Variants in ABCB4 observed in about 807,000 individuals in gnomAD.
The protein encoded by ABCB4 is phosphatidylcholine translocator ABCB4.
In ABCB4, 76 loss-of-function variants were observed where a neutral mutation model predicts 145.7. That is an observed-to-expected ratio of 0.52 (90% confidence interval 0.43 to 0.63). ABCB4 has a LOEUF of 0.63. Among genes scored for constraint, ABCB4 ranks in the 30% least tolerant of loss-of-function variants. The pLI, the probability that ABCB4 is intolerant of heterozygous loss-of-function variation, is 0.00. For synonymous variants in ABCB4, 517 were observed against 566.8 expected, an observed-to-expected ratio of 0.91 and a Z score of 1.25; for missense variants, 1,234 against 1,553.1, an observed-to-expected ratio of 0.79 and a Z score of 3.45.
the ABCB4 span, chr7:87,382,390 T>C: frequency 1.9e-6 from 3 of 1,605,334 alleles, no homozygotes; most frequent in Non-Finnish European, 1.7e-6. Flanking sequence ...TTTTCACCGT[T>C]CTCATTTAAT....
chr7:87,407,972 A>G (rs1808324634), intron 25 of ABCB4, 65 bp downstream of exon 25: 1 of 1,586,854 alleles, frequency 6.3e-7, no homozygotes, highest in South Asian at 1.1e-5. Context: ...ATTTTCCATT[A>G]TGACAATATT....
At chr7:87,374,212 G>A in the ABCB4 span, among the ~76,000 whole-genome samples, 1 of 152,034 alleles carries the variant, frequency 6.6e-6, no homozygotes, top group Admixed American at 6.6e-5. Context: ...TGCATAGTTA[G>A]CCAAGTTAAA....
At chr7:87,392,892 G>C in the ABCB4 span, 1 of 1,610,952 alleles carries the variant, frequency 6.2e-7, no homozygotes, top group Admixed American at 1.7e-5. Context: ...ATGGTTTTTA[G>C]AAACAATATA....
At chr7:87,383,497 C>CTTT in the ABCB4 span, among the ~76,000 whole-genome samples, 1 of 130,454 alleles carries the variant, frequency 7.7e-6, no homozygotes, top group Non-Finnish European at 1.7e-5. Flanking sequence ...ATGTATATCA[C>CTTT]TTTTTTTTTT....
At chr7:87,439,888 G>T (rs1423110146) in intron 13 of ABCB4, 51 bp from the exon 14 acceptor site, 1 of 1,610,594 alleles carries the variant, frequency 6.2e-7, no homozygotes, top group East Asian at 2.2e-5. Flanking sequence ...ATTTAAAAAG[G>T]CTAGGAATTC....
At chr7:87,453,164 A>G in intron 5 of ABCB4, 29 bp from the exon 6 acceptor site, 1 of 1,597,664 alleles carries the variant, frequency 6.3e-7, no homozygotes, top group Non-Finnish European at 8.6e-7. Context: ...GCTCTATTAA[A>G]TACCTTCTCT....
chr7:87,449,925 A>G, intron 8 of ABCB4, 43 bp downstream of exon 8: 1 of 1,613,942 alleles, frequency 6.2e-7, no homozygotes, highest in South Asian at 1.1e-5. Flanking sequence ...AACAAAATGT[A>G]AAAACACATT....
chr7:87,430,451 C>T (rs1810135542), intron 15 of ABCB4, among the ~76,000 whole-genome samples: 1 of 152,118 alleles, frequency 6.6e-6, no homozygotes, highest in African/African-American at 2.4e-5. Context: ...AGTATAATAA[C>T]ATGTCTTAAT....
chr7:87,407,698 T>C (rs1808300021), intron 25 of ABCB4, among the ~76,000 whole-genome samples: 1 of 152,238 alleles, frequency 6.6e-6, no homozygotes, highest in Non-Finnish European at 1.5e-5. Flanking sequence ...CACCCTGTTT[T>C]GGAAGTCAGC....
At position 87,443,415 on chromosome 7, in the gene ABCB4, C is replaced by G. The variant is rs770819674; in HGVS notation, c.1260G>C (p.Gln420His). ...CAACCAGGGCCACCGTCTGCCCACTCTGCACCTTCAGGTTGAGGCCCTTCA... is the reference window on the plus strand; with the variant it reads ...CAACCAGGGCCACCGTCTGCCCACTGTGCACCTTCAGGTTGAGGCCCTTCA... ...KILKGLNLKV[Q>H]SGQTVALVGS... is the part of the protein sequence containing the mutation. Residue 420 changes from glutamine to histidine, a missense_variant, in exon 12 of 28, where the codon CAG (glutamine) becomes CAC (histidine). Around this residue, in one of 7 missense-constraint regions of ABCB4, gnomAD observed 467 missense variants for 632.8 expected, o/e 0.74. Transcript: ENST00000649586. 9.9e-6 allele frequency: 16 copies of G among 1,614,050 alleles called. 1 individual carries two copies. The highest frequency in any genetic ancestry group is 1.6e-4 in the Middle Eastern group (1 of 6,062).
chr7:87,425,657 T>C (rs1809753971), intron 16 of ABCB4, among the ~76,000 whole-genome samples: 1 of 152,206 alleles, frequency 6.6e-6, no homozygotes, highest in Admixed American at 6.5e-5. Flanking sequence ...ATTCCCTCTG[T>C]ATAATAAAAT....
chr7:87,463,063 T>A (rs1019206582), intron 3 of ABCB4, among the ~76,000 whole-genome samples, 155 bp from the exon 4 acceptor site: 2 of 152,214 alleles, frequency 1.3e-5, no homozygotes, highest in African/African-American at 2.4e-5. Flanking sequence ...ATTAACAACT[T>A]AATTTCATGA....
At chr7:87,376,052 C>A in the ABCB4 span, 2 of 1,162,434 alleles carry the variant, frequency 1.7e-6, no homozygotes, top group Admixed American at 2.8e-5. Flanking sequence ...TACCTTTAGG[C>A]TCTTGAAACT....
intron 12 of ABCB4, among the ~76,000 whole-genome samples, chr7:87,441,796 C>T (rs45624341): frequency 0.024 from 3,578 of 152,254 alleles, 146 homozygotes; most frequent in African/African-American, 0.08. Context: ...GACAGATTCT[C>T]ATTAGTTGCC....
the ABCB4 span, chr7:87,391,798 T>A: frequency 3.0e-6 from 4 of 1,349,200 alleles, no homozygotes; most frequent in South Asian, 5.5e-5. Flanking sequence ...ACTTCTTTGC[T>A]TCAGTTTTCC....
chr7:87,470,736 G>A (rs1394289203), intron 3 of ABCB4, among the ~76,000 whole-genome samples: 3 of 152,192 alleles, frequency 2.0e-5, no homozygotes, highest in East Asian at 1.9e-4. Context: ...TGGAGAGGAT[G>A]TGGAGAAATA....
At chr7:87,391,624 A>T in the ABCB4 span, 1 of 1,606,654 alleles carries the variant, frequency 6.2e-7, no homozygotes. Context: ...ATGACAAGAC[A>T]TTTTTATCAT....
the ABCB4 span, chr7:87,377,491 G>T: frequency 3.4e-6 from 4 of 1,166,134 alleles, no homozygotes; most frequent in Non-Finnish European, 5.1e-6. Context: ...GATCTTTTAG[G>T]TTAAATTAAT....
At chr7:87,474,719 C>T (rs982887863) in intron 2 of ABCB4, among the ~76,000 whole-genome samples, 9 of 152,078 alleles carry the variant, frequency 5.9e-5, no homozygotes, top group Admixed American at 6.5e-5. Flanking sequence ...ACTTCTGCCC[C>T]GCTCATAAAG....
Sources: allele counts gnomAD v4.1 joint callset (sites outside exome capture counted in the v4.1 genomes callset), GRCh38; gene constraint gnomAD v4.1.1; regional missense constraint gnomAD v4.1.1; transcripts MANE v1.5; gene names NCBI Gene and HGNC (gene_info 2026-07-23, HGNC 2026-07-21).